The following LCT variants were observed in gnomAD, a reference collection of about 807,000 sequenced individuals.
LCT encodes lactase/phlorizin hydrolase.
A neutral mutation model predicts 173.0 loss-of-function variants in LCT; 90 were observed. The observed-to-expected ratio is 0.52, with a 90% confidence interval of 0.44 to 0.62. LCT has a LOEUF of 0.62. Ranked by LOEUF, LCT falls within the 20% of genes least tolerant of loss-of-function variation. The pLI is 0.00. For synonymous variants in LCT, 853 were observed against 957.6 expected (o/e 0.89, Z 2.02); for missense variants, 1,864 against 2,431.4 (o/e 0.77, Z 4.91).
At chr2:135,811,096 C>T (rs1350760028) in intron 7 of LCT, among the ~76,000 whole-genome samples, 1 of 151,670 alleles carries the variant, frequency 6.6e-6, no homozygotes, top group Non-Finnish European at 1.5e-5. Context: ...GTCCCAGCCA[C>T]TTGGGAGGCT....
At chr2:135,836,190 G>T (rs6730196) in intron 1 of LCT, among the ~76,000 whole-genome samples, 71,056 of 150,786 alleles carry the variant, frequency 0.47, 20,117 homozygotes, top group Middle Eastern at 0.76. Flanking sequence ...GGCTAATTTT[G>T]GTATTTTTAG....
intron 3 of LCT, among the ~76,000 whole-genome samples, chr2:135,827,213 A>C (rs1266140832): frequency 6.6e-6 from 1 of 152,166 alleles, no homozygotes; most frequent in Non-Finnish European, 1.5e-5. Flanking sequence ...TCCTGGCCTC[A>C]AGTGATCCGC....
At chr2:135,822,833 C>G (rs2077847227) in intron 4 of LCT, 1 of 153,462 alleles carries the variant, frequency 6.5e-6, no homozygotes, top group Admixed American at 6.5e-5. Context: ...GATCCGCCTT[C>G]AGGGATTAGT....
chr2:135,808,463 T>A lies in LCT; in HGVS notation c.3884A>T (p.Tyr1295Phe). 6.2e-7 allele frequency: 1 copy of A among 1,613,580 alleles called. No individual in the cohort carries two copies. Among genetic ancestry groups the A allele is most frequent in the Non-Finnish European group, 8.5e-7 (1 of 1,179,432 alleles). ...DTDRIFYHKT[Y>F]INEALKAYRL... ...CACACCTTTCAAAGCCTCATTGATG[T>A]AGGTTTTGTGGTAAAATATCCTATC... Residue 1295 changes from tyrosine (Y) to phenylalanine (F), a missense_variant, in exon 8 of 17, where the codon TAC becomes TTC. This residue lies in a region of LCT where 755 missense variants were observed against 926.3 expected (regional missense o/e 0.82). Coordinates refer to ENST00000264162, the MANE Select transcript of LCT (RefSeq NM_002299.4).
At chr2:135,815,981 G>A (rs188189745) in intron 6 of LCT, among the ~76,000 whole-genome samples, 22 of 152,258 alleles carry the variant, frequency 1.4e-4, no homozygotes, top group East Asian at 7.7e-4. Context: ...GATTACAGGC[G>A]TGAGCCACCA....
chr2:135,816,961 C>A (rs2077785387), intron 6 of LCT, among the ~76,000 whole-genome samples: 1 of 151,942 alleles, frequency 6.6e-6, no homozygotes, highest in African/African-American at 2.4e-5. Context: ...CTCTGCATAC[C>A]AGGCTCAAGC....
At chr2:135,825,004 A>T (rs1012751137) in intron 3 of LCT, among the ~76,000 whole-genome samples, 1 of 151,800 alleles carries the variant, frequency 6.6e-6, no homozygotes, top group Admixed American at 6.5e-5. Flanking sequence ...AAAAAAAAAA[A>T]AAAAAGAAAA....
At chr2:135,835,623 A>G (rs149308009) in intron 1 of LCT, among the ~76,000 whole-genome samples, 1 of 150,166 alleles carries the variant, frequency 6.7e-6, no homozygotes, top group Non-Finnish European at 1.5e-5. Flanking sequence ...AAATTGGTGT[A>G]CCTAACATAC....
At chr2:135,791,018 G>A in intron 14 of LCT, 137 bp from the exon 15 acceptor site, 1 of 728,442 alleles carries the variant, frequency 1.4e-6, no homozygotes, top group Non-Finnish European at 2.4e-6. Flanking sequence ...AAACCCAGAA[G>A]AATCAAATTG....
chr2:135,807,918 A>G (rs1458692325), intron 8 of LCT, among the ~76,000 whole-genome samples: 1 of 152,092 alleles, frequency 6.6e-6, no homozygotes, highest in African/African-American at 2.4e-5. Context: ...ACTTGAGGTC[A>G]GGAGTTTGAA....
Position 135,823,897 on chromosome 2 carries a change from T to C in LCT, c.907+4A>G, listed in dbSNP as rs1224205266. 1.9e-6 allele frequency: 3 copies of C among 1,594,834 alleles called. No individual in the cohort carries two copies. The highest frequency in any genetic ancestry group is 2.6e-6 in the Non-Finnish European group (3 of 1,162,562). On this transcript the variant is annotated splice_donor_region_variant and intron_variant, in intron 4 of 16. Coordinates refer to ENST00000264162, the MANE Select transcript of LCT (RefSeq NM_002299.4). ...CAAAACCTCTTCAGCAATGGCCCAC[T>C]CACCTTCAAAAAGGCTGAAGAGCAG...
rs577018378 is a variant in LCT, at chr2:135,790,388, G to A, written c.5335+270C>T. 6.6e-5 allele frequency among the ~76,000 whole-genome samples: 10 copies of A among 152,264 alleles called. No homozygotes were observed. The highest frequency in any genetic ancestry group is 4.6e-4 in the Admixed American group (7 of 15,304). On this transcript the variant is annotated intron_variant, in intron 15 of 16. Transcript: ENST00000264162. The surrounding 1 kb of genome is among the most constrained non-coding windows in gnomAD (Gnocchi z 4.1). The stretch of plus-strand genomic sequence containing the variant: ...ATTCTCAGGAGGGCACTGCTGTTCC[G>A]ACATCAGGGAGGATCAAGGGGAGCA...
At chr2:135,828,606 G>A (rs1351031634) in intron 3 of LCT, among the ~76,000 whole-genome samples, 6 of 152,328 alleles carry the variant, frequency 3.9e-5, no homozygotes, top group South Asian at 4.1e-4. Context: ...AGGAGAAAAC[G>A]TGGGCACCAT....
In LCT at chr2:135,816,028, C is replaced by T. The variant is rs1028259879; in HGVS notation, c.1707+1313G>A. Among the ~76,000 whole-genome samples, 5 of 152,234 alleles carry T rather than the reference C, an allele frequency of 3.3e-5. No individual in the cohort carries two copies. The South Asian group carries it at 1.0e-3, about 32-fold the overall frequency. On this transcript the variant is annotated intron_variant, in intron 6 of 16. Transcript: ENST00000264162. ...AAATACTCATCTTTAAGAATGGAAC[C>T]CAAACAGTGACAGGGAAAAGGCAGA...
rs372027911 is a variant in LCT at position 135,809,424 on chromosome 2, G to T, written c.2923C>A (p.Arg975Ser). The change falls in exon 8 of 17, where the codon CGC becomes AGC. Residue 975 changes from arginine (R) to serine (S), a missense_variant. Arg to Ser is a moderately radical substitution (Grantham distance 110, BLOSUM62 -1). Coordinates refer to ENST00000264162, the MANE Select transcript of LCT (RefSeq NM_002299.4). The surrounding 1 kb of genome is among the most constrained non-coding windows in gnomAD (Gnocchi z 5.5). ...MLRALKVKAY[R>S]FSISWSRIFP... is the part of the protein sequence containing the mutation. ...ATCCGAGACCAGGAGATAGAGAAGCGGTAGGCCTTCACCTTCAAAGCTCGG... is the reference window on the plus strand; with the variant it reads ...ATCCGAGACCAGGAGATAGAGAAGCTGTAGGCCTTCACCTTCAAAGCTCGG... The T allele has an allele frequency of 1.2e-6, 2 of 1,614,186 alleles. No individual in the cohort carries two copies. Among genetic ancestry groups the T allele is most frequent in the East Asian group, 2.2e-5 (1 of 44,890 alleles).
At chr2:135,797,971 A>G (rs1026917041) in intron 13 of LCT, 58 bp downstream of exon 13, 2 of 929,594 alleles carry the variant, frequency 2.2e-6, no homozygotes, top group Non-Finnish European at 3.6e-6. Context: ...CTTGCCCGAG[A>G]CATGCCTCTG....
Position 135,793,643 on chromosome 2 carries a change from A to G in LCT, c.5111+998T>C, listed in dbSNP as rs150331570. 5.9e-3 allele frequency among the ~76,000 whole-genome samples: 892 copies of G among 152,346 alleles called. 11 individuals are homozygous for G. The highest frequency in any genetic ancestry group is 0.021 in the African/African-American group (857 of 41,582). ...AGAAGAAATCTCTGAATTGCCAGAT[A>G]AAGAATTCAGAAGGTTGATTATTAA... On this transcript the variant is annotated intron_variant, in intron 14 of 16. Coordinates refer to ENST00000264162, the MANE Select transcript of LCT (RefSeq NM_002299.4).
At chr2:135,815,003 C>T (rs1388560386) in intron 6 of LCT, among the ~76,000 whole-genome samples, 2 of 151,902 alleles carry the variant, frequency 1.3e-5, no homozygotes, top group African/African-American at 4.8e-5. Context: ...TATTAGTGTC[C>T]TTATAAGAAA....
chr2:135,818,981 C>G (rs2077805316), intron 5 of LCT, among the ~76,000 whole-genome samples: 1 of 152,196 alleles, frequency 6.6e-6, no homozygotes, highest in Non-Finnish European at 1.5e-5. Context: ...GGATTTCTGA[C>G]ATAATGGCAG....
Sources: allele counts gnomAD v4.1 joint callset (sites outside exome capture counted in the v4.1 genomes callset), GRCh38; gene constraint gnomAD v4.1.1; regional missense constraint gnomAD v4.1.1; non-coding constraint Gnocchi (gnomAD v3.1); transcripts MANE v1.5; gene names NCBI Gene and HGNC (gene_info 2026-07-23, HGNC 2026-07-21).